The following TACR1 variants were observed in gnomAD, a reference collection of about 807,000 sequenced individuals.
TACR1 encodes substance-P receptor.
In TACR1, 25 loss-of-function variants were observed where a neutral mutation model predicts 35.8. That is an observed-to-expected ratio of 0.70 (90% CI 0.51 to 0.98). The LOEUF is 0.98. Ranked by LOEUF, TACR1 falls within the 50% of genes least tolerant of loss-of-function variation. The pLI, the probability that TACR1 is intolerant of heterozygous loss-of-function variation, is 0.00. For missense variants in TACR1, 478 were observed against 522.9 expected, an observed-to-expected ratio of 0.91 and a Z score of 0.84; for synonymous variants, 195 against 206.7, an observed-to-expected ratio of 0.94 and a Z score of 0.48.
chr2:75,173,189 G>A (rs1371142942), intron 1 of TACR1, among the ~76,000 whole-genome samples: 1 of 152,100 alleles, frequency 6.6e-6, no homozygotes, highest in African/African-American at 2.4e-5. Context: ...GGATGGATAG[G>A]CTTGGTAAAC....
intron 1 of TACR1, among the ~76,000 whole-genome samples, chr2:75,192,300 A>G (rs922148503): frequency 3.3e-5 from 5 of 152,138 alleles, no homozygotes; most frequent in Non-Finnish European, 7.4e-5. Flanking sequence ...GAAGCTTAAT[A>G]CCTTATCCTT....
intron 1 of TACR1, among the ~76,000 whole-genome samples, chr2:75,150,577 C>T (rs1361928231): frequency 6.6e-6 from 1 of 150,982 alleles, no homozygotes; most frequent in East Asian, 1.9e-4. Context: ...GTGAGGCCTC[C>T]CCAGCCATGT....
intron 1 of TACR1, among the ~76,000 whole-genome samples, chr2:75,125,067 T>G (rs895263778): frequency 6.6e-6 from 1 of 152,262 alleles, no homozygotes; most frequent in Non-Finnish European, 1.5e-5. Flanking sequence ...GGCCCAGTCA[T>G]CATGTCCTTG....
At chr2:75,100,881 A>G (rs934629631) in intron 2 of TACR1, among the ~76,000 whole-genome samples, 1 of 152,210 alleles carries the variant, frequency 6.6e-6, no homozygotes, top group African/African-American at 2.4e-5. Context: ...GGTAACATAA[A>G]TGTGTCCCCT....
chr2:75,061,278 G>C (rs1672668057), intron 2 of TACR1, among the ~76,000 whole-genome samples: 1 of 152,000 alleles, frequency 6.6e-6, no homozygotes, highest in Non-Finnish European at 1.5e-5. Flanking sequence ...ATGAGGGTAG[G>C]AACTTGCTCT....
intron 1 of TACR1, among the ~76,000 whole-genome samples, chr2:75,137,535 C>T (rs1674317593): frequency 6.6e-6 from 1 of 151,736 alleles, no homozygotes; most frequent in Non-Finnish European, 1.5e-5. Flanking sequence ...ATCATCCTGG[C>T]TAACACAGTG....
At chr2:75,161,314 T>C (rs1265392372) in intron 1 of TACR1, among the ~76,000 whole-genome samples, 1 of 152,126 alleles carries the variant, frequency 6.6e-6, no homozygotes, top group Non-Finnish European at 1.5e-5. Flanking sequence ...AATATCATTA[T>C]GAGGCTTATT....
In TACR1 at chr2:75,049,281, A is replaced by C; in HGVS notation, c.*151T>G. 1.2e-6 allele frequency: 1 copy of C among 835,082 alleles called. No homozygotes were observed. Among genetic ancestry groups the C allele is most frequent in the Non-Finnish European group, 1.8e-6 (1 of 550,434 alleles). The allele number at this position is 835,082 out of a possible 1,614,324, so 51.7% of individuals were successfully genotyped here. A position where few individuals can be genotyped will look rare whatever the true frequency, so the allele number is the denominator to read the frequency against. ...GGAAGAATTGAGATTTTTTGACTCA[A>C]GGATGGAATGTTTTCCCTAACCCAT... On this transcript the variant is annotated 3_prime_UTR_variant, in exon 5 of 5. Coordinates refer to ENST00000305249, the MANE Select transcript of TACR1 (RefSeq NM_001058.4).
At chr2:75,170,396 C>T (rs1413877602) in intron 1 of TACR1, among the ~76,000 whole-genome samples, 2 of 152,208 alleles carry the variant, frequency 1.3e-5, no homozygotes, top group East Asian at 3.8e-4. Flanking sequence ...AATTAAACCT[C>T]TTTCCTTTAT....
At chr2:75,069,887 C>T (rs1572910661) in intron 2 of TACR1, among the ~76,000 whole-genome samples, 1 of 152,096 alleles carries the variant, frequency 6.6e-6, no homozygotes, top group East Asian at 1.9e-4. Flanking sequence ...CAGGTTTCTC[C>T]ACTGTGAAGA....
chr2:75,145,740 A>T (rs1674496732), intron 1 of TACR1, among the ~76,000 whole-genome samples: 1 of 152,256 alleles, frequency 6.6e-6, no homozygotes, highest in Admixed American at 6.5e-5. Flanking sequence ...GAAGCATTAC[A>T]TGCTGCTGAA....
chr2:75,072,056 A>G (rs1407333388), intron 2 of TACR1, among the ~76,000 whole-genome samples: 1 of 152,222 alleles, frequency 6.6e-6, no homozygotes. Context: ...AGTGGCAGCC[A>G]GGAGGCCAGT....
rs200262291 is a variant in TACR1, at chr2:75,053,698, A to G, written c.642T>C (p.Tyr214=). 5 of 1,614,046 alleles carry G rather than the reference A, an allele frequency of 3.1e-6. No homozygotes were observed. The highest frequency in any genetic ancestry group is 1.7e-5 in the Admixed American group (1 of 60,016). ...GTGTGATTCCCACTACGGTGTATGC[A>G]TAGCCAATCACCAGCAGGGGGAGGA... is the stretch of plus-strand genomic sequence containing the variant. The part of the protein sequence containing the change: ...IYFLPLLVIG[Y]AYTVVGITLW... Residue 214 remains tyrosine (Y), a synonymous_variant, in exon 3 of 5, where the codon TAT becomes TAC. Transcript: ENST00000305249.
chr2:75,107,809 T>C (rs1673679207), intron 2 of TACR1, among the ~76,000 whole-genome samples: 1 of 151,862 alleles, frequency 6.6e-6, no homozygotes, highest in Non-Finnish European at 1.5e-5. Flanking sequence ...AAAATGTGCA[T>C]TTAAACGAAC....
At chr2:75,163,487 C>T (rs1383650528) in intron 1 of TACR1, among the ~76,000 whole-genome samples, 1 of 152,070 alleles carries the variant, frequency 6.6e-6, no homozygotes, top group Admixed American at 6.6e-5. Context: ...CTATTAAATG[C>T]AATTCTAAAT....
chr2:75,108,994 A>G (rs1673702305), intron 2 of TACR1, among the ~76,000 whole-genome samples: 1 of 152,134 alleles, frequency 6.6e-6, no homozygotes, highest in African/African-American at 2.4e-5. Context: ...GCCAGAATAA[A>G]TTTCTTCAGT....
At chr2:75,127,037 T>C (rs1674087397) in intron 1 of TACR1, among the ~76,000 whole-genome samples, 1 of 152,196 alleles carries the variant, frequency 6.6e-6, no homozygotes, top group African/African-American at 2.4e-5. Context: ...TATATACTAT[T>C]GACAGAAGTA....
At chr2:75,098,457 C>A (rs866948961) in intron 2 of TACR1, among the ~76,000 whole-genome samples, 1 of 152,264 alleles carries the variant, frequency 6.6e-6, no homozygotes, top group African/African-American at 2.4e-5. Flanking sequence ...CCTTAAAATT[C>A]ATCCTCAAAT....
At chr2:75,158,648 G>A (rs1030226111) in intron 1 of TACR1, among the ~76,000 whole-genome samples, 1 of 152,154 alleles carries the variant, frequency 6.6e-6, no homozygotes, top group Non-Finnish European at 1.5e-5. Flanking sequence ...ATGTGATGTT[G>A]CATAGGGAGA....
Sources: gnomAD v4.1 joint callset for allele counts (sites outside exome capture counted in the v4.1 genomes callset) on GRCh38, gnomAD v4.1.1 for gene constraint, MANE v1.5 for transcripts, NCBI Gene and HGNC (gene_info 2026-07-23, HGNC 2026-07-21) for gene names.